The following ELMOD1 variants were observed in gnomAD, a reference collection of about 807,000 sequenced individuals.
ELMOD1 encodes ELMO domain containing 1.
In ELMOD1, 21 loss-of-function variants were observed where a neutral mutation model predicts 46.7. The ratio of observed to expected loss-of-function variants is 0.45; its 90% CI spans 0.32 to 0.65. The LOEUF is 0.65. Ranked by LOEUF, ELMOD1 falls within the 30% of genes least tolerant of loss-of-function variation. The pLI, the probability that ELMOD1 is intolerant of heterozygous loss-of-function variation, is 0.04. For missense variants in ELMOD1, 348 were observed against 407.8 expected, an observed-to-expected ratio of 0.85 and a Z score of 1.26; for synonymous variants, 122 against 138.2, an observed-to-expected ratio of 0.88 and a Z score of 0.82.
At chr11:107,645,089 A>ATTTTTTTTTT (rs11390120) in intron 6 of ELMOD1, among the ~76,000 whole-genome samples, 69 of 103,150 alleles carry the variant, frequency 6.7e-4, no homozygotes, top group East Asian at 9.0e-4. Context: ...TGCCTGGCTA[A>ATTTTTTTTTT]TTTTTTTTTT....
At chr11:107,618,064 C>A in intron 1 of ELMOD1, 41 bp from the exon 2 acceptor site, 1 of 1,139,198 alleles carries the variant, frequency 8.8e-7, no homozygotes, top group Non-Finnish European at 1.3e-6. Flanking sequence ...AGCTTCCAGC[C>A]TTATTAGTAA....
Position 107,630,567 on chromosome 11 carries a change from G to A in ELMOD1, c.163+5G>A. Reference sequence around the variant, plus strand: ...CTTCTAGAACCATGAAAATCGGTAAGCCTGAGACAAAGAAGTAAGCAAAAG... The same window carrying A: ...CTTCTAGAACCATGAAAATCGGTAAACCTGAGACAAAGAAGTAAGCAAAAG... On this transcript the variant is annotated splice_donor_5th_base_variant and intron_variant, in intron 3 of 11. Transcript: ENST00000265840. The A allele has an allele frequency of 2.5e-6, 4 of 1,609,152 alleles. No homozygotes were observed. The highest frequency in any genetic ancestry group is 3.4e-6 in the Non-Finnish European group (4 of 1,177,876).
intron 10 of ELMOD1, among the ~76,000 whole-genome samples, chr11:107,655,023 A>G (rs1866601723): frequency 6.6e-6 from 1 of 152,142 alleles, no homozygotes; most frequent in South Asian, 2.1e-4. Context: ...TAAGATCCTT[A>G]TTTACATTTT....
chr11:107,634,053 C>A (rs1383843731), intron 5 of ELMOD1, among the ~76,000 whole-genome samples: 2 of 151,836 alleles, frequency 1.3e-5, no homozygotes, highest in African/African-American at 2.4e-5. Flanking sequence ...ATGTCATTTA[C>A]CCCTAAAAAA....
chr11:107,657,242 T>G (rs1866650825), intron 11 of ELMOD1, among the ~76,000 whole-genome samples: 1 of 152,146 alleles, frequency 6.6e-6, no homozygotes. Flanking sequence ...AATAGAATAT[T>G]GGCTTCAAAA....
chr11:107,621,064 G>A (rs1215311559), intron 2 of ELMOD1, among the ~76,000 whole-genome samples: 2 of 152,198 alleles, frequency 1.3e-5, no homozygotes, highest in Admixed American at 1.3e-4. Context: ...AACTTGTGCT[G>A]AAGATCATTT....
chr11:107,660,688 A>G (rs1487670322), intron 11 of ELMOD1, among the ~76,000 whole-genome samples: 1 of 152,214 alleles, frequency 6.6e-6, no homozygotes. Context: ...TAAGCCCAAT[A>G]TCTGCATCTG....
intron 2 of ELMOD1, among the ~76,000 whole-genome samples, chr11:107,622,173 C>T (rs562310231): frequency 1.3e-5 from 2 of 152,208 alleles, no homozygotes; most frequent in South Asian, 2.1e-4. Flanking sequence ...ATTCAGGAAA[C>T]GCTTCATTGA....
At chr11:107,650,770 G>A in intron 8 of ELMOD1, 115 bp from the exon 9 acceptor site, 1 of 737,840 alleles carries the variant, frequency 1.4e-6, no homozygotes, top group South Asian at 2.0e-5. Flanking sequence ...GGGACCAAGT[G>A]AGAACATCTG....
chr11:107,645,907 A>C (rs376237230), intron 6 of ELMOD1, among the ~76,000 whole-genome samples: 6 of 152,330 alleles, frequency 3.9e-5, no homozygotes, highest in East Asian at 3.9e-4. Context: ...GTCATTGAAT[A>C]TTATGTTTTA....
chr11:107,655,170 A>C, intron 10 of ELMOD1, among the ~76,000 whole-genome samples: 1 of 151,064 alleles, frequency 6.6e-6, no homozygotes, highest in Admixed American at 6.6e-5. Flanking sequence ...TGTGTATATA[A>C]TAAAATGGCT....
chr11:107,652,428 C>T (rs573116362), intron 9 of ELMOD1, among the ~76,000 whole-genome samples: 2 of 152,186 alleles, frequency 1.3e-5, no homozygotes, highest in African/African-American at 2.4e-5. Flanking sequence ...TGTTTTCTCC[C>T]GACAAGGGGA....
At chr11:107,640,590 G>GA (rs913214517) in intron 6 of ELMOD1, among the ~76,000 whole-genome samples, 26 of 150,206 alleles carry the variant, frequency 1.7e-4, no homozygotes, top group African/African-American at 5.1e-4. Flanking sequence ...CCCTAAGTCT[G>GA]AAAAAAAAAT....
chr11:107,619,220 C>T (rs552956922), intron 2 of ELMOD1, among the ~76,000 whole-genome samples: 2 of 152,180 alleles, frequency 1.3e-5, no homozygotes, highest in African/African-American at 2.4e-5. Context: ...ACTGGATCTT[C>T]GAATTGTGAA....
In ELMOD1 at chr11:107,604,867, C is replaced by T. The variant is rs191401701; in HGVS notation, c.-85-13238C>T. Among the ~76,000 whole-genome samples the T allele has an allele frequency of 4.2e-4, 64 of 152,286 alleles. 1 individual carries two copies. The highest frequency in any genetic ancestry group is 6.9e-4 in the Non-Finnish European group (47 of 68,026). The stretch of plus-strand genomic sequence containing the variant: ...TAGCATTGCCTTAAGAGCAGAGTAC[C>T]CTGCTTGCCTCCAAGCTGCTGGAAA... On this transcript the variant is annotated intron_variant, in intron 1 of 11. Transcript: ENST00000265840.
intron 5 of ELMOD1, 132 bp from the exon 6 acceptor site, chr11:107,635,504 G>A (rs984872903): frequency 1.1e-6 from 1 of 888,970 alleles, no homozygotes; most frequent in Non-Finnish European, 1.6e-6. Context: ...CTATTAAATA[G>A]ATCATCTTTG....
intron 5 of ELMOD1, among the ~76,000 whole-genome samples, chr11:107,632,064 A>G (rs141523097): frequency 1.6e-4 from 24 of 152,308 alleles, no homozygotes; most frequent in African/African-American, 4.6e-4. Context: ...CACTTCCTTC[A>G]TGAATATTAC....
At position 107,604,291 on chromosome 11, in the gene ELMOD1, G is replaced by C. The variant is rs541336272; in HGVS notation, c.-86+12882G>C. Among the ~76,000 whole-genome samples the C allele has an allele frequency of 7.2e-5, 11 of 152,310 alleles. No homozygotes were observed. The South Asian group carries it at 1.5e-3, about 20-fold the overall frequency. On this transcript the variant is annotated intron_variant, in intron 1 of 11. Transcript: ENST00000265840. ...GACTGTGGAGTAAGAGTGTTGGGAG[G>C]CTCTTCAGTGAGGCTAAGAAGGATA...
At chr11:107,612,644 TCA>T (rs1173095795) in intron 1 of ELMOD1, among the ~76,000 whole-genome samples, 1 of 152,128 alleles carries the variant, frequency 6.6e-6, no homozygotes, top group South Asian at 2.1e-4. Context: ...GAAAAATAAT[TCA>T]AAGGGCATTT....
Sources: allele counts gnomAD v4.1 joint callset (sites outside exome capture counted in the v4.1 genomes callset), GRCh38; gene constraint gnomAD v4.1.1; transcripts MANE v1.5; gene names NCBI Gene and HGNC (gene_info 2026-07-23, HGNC 2026-07-21).